Variants in CSMD1 observed in about 807,000 individuals in gnomAD.
CSMD1 encodes the protein CUB and Sushi multiple domains 1, also known as CUB and sushi domain-containing protein 1.
A neutral mutation model predicts 417.5 loss-of-function variants in CSMD1; 213 were observed. That is an observed-to-expected ratio of 0.51 (90% confidence interval 0.46 to 0.57). The LOEUF (loss-of-function observed/expected upper bound fraction) is 0.57. CSMD1 is among the 20% of genes least tolerant of loss of function. The pLI, the probability that CSMD1 is intolerant of heterozygous loss-of-function variation, is 0.00. For missense variants in CSMD1, 6,923 were observed against 4,529.7 expected, an observed-to-expected ratio of 1.53 and a Z score of -15.17; for synonymous variants, 2,862 against 1,736.8, an observed-to-expected ratio of 1.65 and a Z score of -16.11.
intron 3 of CSMD1, among the ~76,000 whole-genome samples, chr8:4,221,195 G>C (rs1801010136): frequency 6.6e-6 from 1 of 152,162 alleles, no homozygotes; most frequent in Non-Finnish European, 1.5e-5. Context: ...TCTGGCTTTA[G>C]TCTCTGCCCC....
At chr8:3,655,027 T>G (rs1262520855) in intron 7 of CSMD1, among the ~76,000 whole-genome samples, 1 of 152,228 alleles carries the variant, frequency 6.6e-6, no homozygotes, top group Non-Finnish European at 1.5e-5. Flanking sequence ...ATTTTTAAAT[T>G]TAATTAAAAT....
chr8:4,028,146 G>T (rs928353649), intron 4 of CSMD1, among the ~76,000 whole-genome samples: 5 of 152,100 alleles, frequency 3.3e-5, no homozygotes, highest in Non-Finnish European at 1.5e-5. Context: ...GAGAAAATGA[G>T]CATTTTAGAA....
chr8:3,429,901 C>G (rs1485042757), intron 12 of CSMD1, among the ~76,000 whole-genome samples: 2 of 152,174 alleles, frequency 1.3e-5, no homozygotes, highest in Non-Finnish European at 2.9e-5. Flanking sequence ...CCAGATCACA[C>G]CAGGGGCACT....
chr8:3,497,921 G>T (rs1180690080), intron 10 of CSMD1, among the ~76,000 whole-genome samples: 3 of 152,146 alleles, frequency 2.0e-5, no homozygotes, highest in African/African-American at 2.4e-5. Context: ...CTTCACAATG[G>T]TGGTTATCAC....
intron 13 of CSMD1, among the ~76,000 whole-genome samples, chr8:3,408,440 C>A (rs889261005): frequency 1.3e-5 from 2 of 151,152 alleles, no homozygotes; most frequent in African/African-American, 4.9e-5. Context: ...ACAACCAGAA[C>A]CTATACATAA....
At chr8:4,128,017 C>A (rs374447361) in intron 3 of CSMD1, among the ~76,000 whole-genome samples, 1 of 152,116 alleles carries the variant, frequency 6.6e-6, no homozygotes, top group Non-Finnish European at 1.5e-5. Context: ...TGAGCAAGTA[C>A]CACATTTTAT....
At chr8:3,101,118 C>T (rs1181144669) in intron 46 of CSMD1, among the ~76,000 whole-genome samples, 1 of 150,934 alleles carries the variant, frequency 6.6e-6, no homozygotes, top group Non-Finnish European at 1.5e-5. Context: ...CCCCCAAGGT[C>T]CACAGGATGA....
chr8:2,954,166 G>C, intron 65 of CSMD1, 58 bp downstream of exon 65: 2 of 929,624 alleles, frequency 2.2e-6, no homozygotes, highest in Non-Finnish European at 3.3e-6. Context: ...TCACTGTGCA[G>C]AGTAGAGAAC....
At chr8:4,405,659 T>G (rs1804965524) in intron 3 of CSMD1, among the ~76,000 whole-genome samples, 1 of 152,244 alleles carries the variant, frequency 6.6e-6, no homozygotes, top group Non-Finnish European at 1.5e-5. Context: ...TATCCTCGCA[T>G]GAGACACATC....
Position 4,884,204 on chromosome 8 carries a change from C to CGT in CSMD1, c.85+110126_85+110127dup, listed in dbSNP as rs776117074. Among the ~76,000 whole-genome samples, 611 of 149,730 alleles carry CGT rather than the reference C, an allele frequency of 4.1e-3. 6 individuals are homozygous for CGT. The highest frequency in any genetic ancestry group is 0.01 in the African/African-American group (415 of 40,962). On this transcript the variant is annotated intron_variant, in intron 1 of 69. Coordinates refer to ENST00000635120, the MANE Select transcript of CSMD1 (RefSeq NM_033225.6). ...TTTTATTATTGAGCTGTAAGAACTT[C>CGT]GTGTGTGTGTGTGTGTGTACACACA...
intron 7 of CSMD1, among the ~76,000 whole-genome samples, chr8:3,633,999 A>C (rs1313825657): frequency 6.9e-6 from 1 of 144,518 alleles, no homozygotes; most frequent in Non-Finnish European, 1.5e-5. Context: ...CTTATATAAA[A>C]TGTCTGTAAA....
intron 10 of CSMD1, among the ~76,000 whole-genome samples, chr8:3,516,445 T>C (rs562849312): frequency 1.2e-4 from 18 of 152,288 alleles, no homozygotes; most frequent in African/African-American, 3.6e-4. Flanking sequence ...CCAGGCCTGG[T>C]TGAGTGAGTC....
At chr8:4,726,073 C>G (rs914018542) in intron 1 of CSMD1, among the ~76,000 whole-genome samples, 2 of 152,134 alleles carry the variant, frequency 1.3e-5, no homozygotes, top group Non-Finnish European at 2.9e-5. Context: ...AAGCCACTGA[C>G]AAATGATCCG....
At chr8:4,574,032 C>G (rs1000754235) in intron 2 of CSMD1, among the ~76,000 whole-genome samples, 12 of 152,154 alleles carry the variant, frequency 7.9e-5, no homozygotes, top group African/African-American at 2.7e-4. Context: ...CCAGAATTCC[C>G]AGCCAGTGAA....
chr8:4,508,377 G>A (rs1033419046), intron 2 of CSMD1, among the ~76,000 whole-genome samples: 6 of 152,102 alleles, frequency 3.9e-5, no homozygotes, highest in Non-Finnish European at 5.9e-5. Flanking sequence ...AAATATCAGT[G>A]TTAATTTTGA....
intron 45 of CSMD1, 78 bp downstream of exon 45, chr8:3,107,640 G>A (rs1008741725): frequency 3.7e-6 from 3 of 806,584 alleles, no homozygotes; most frequent in Non-Finnish European, 6.2e-6. Flanking sequence ...TAACTTGTCT[G>A]AGTAATGATT....
chr8:3,700,716 G>C (rs971059955), intron 7 of CSMD1: 1 of 152,154 alleles, frequency 6.6e-6, no homozygotes, highest in Non-Finnish European at 1.5e-5. Context: ...GGAGAGAGGA[G>C]AGCAAAGTCC....
intron 5 of CSMD1, among the ~76,000 whole-genome samples, chr8:3,798,896 G>A (rs1451414005): frequency 4.0e-5 from 6 of 151,738 alleles, no homozygotes; most frequent in Non-Finnish European, 8.8e-5. Context: ...AAGTTTATAG[G>A]TGCAAAAGAA....
intron 3 of CSMD1, among the ~76,000 whole-genome samples, chr8:4,330,513 C>A (rs541974216): frequency 4.6e-5 from 7 of 151,060 alleles, no homozygotes; most frequent in African/African-American, 1.5e-4. Context: ...TCACTTGAAC[C>A]GAGGAGGCAG....
Sources: gnomAD v4.1 joint callset for allele counts (sites outside exome capture counted in the v4.1 genomes callset) on GRCh38, gnomAD v4.1.1 for gene constraint, MANE v1.5 for transcripts, NCBI Gene and HGNC (gene_info 2026-07-23, HGNC 2026-07-21) for gene names.